ZNF804B: variants seen among roughly 807,000 people sequenced by gnomAD.
The protein encoded by ZNF804B is zinc finger protein 804B, also known as zinc finger 804B.
Under a neutral mutation model 101.4 loss-of-function variants are expected in ZNF804B, and 80 were observed. The observed-to-expected ratio is 0.79, with a 90% CI of 0.66 to 0.95. The LOEUF (loss-of-function observed/expected upper bound fraction) is 0.95, where lower values mean the gene tolerates loss of function less well. Among genes scored for constraint, ZNF804B ranks in the 40% least tolerant of loss-of-function variants. The probability of loss-of-function intolerance (pLI) is 0.00; values close to 1 mark genes in which losing one functional copy is unlikely to be tolerated. For synonymous variants in ZNF804B, 622 were observed against 558.8 expected, an observed-to-expected ratio of 1.11 and a Z score of -1.59; for missense variants, 1,673 against 1,561.9, an observed-to-expected ratio of 1.07 and a Z score of -1.20.
At chr7:88,946,930 G>T (rs562061123) in intron 1 of ZNF804B, among the ~76,000 whole-genome samples, 3 of 152,028 alleles carry the variant, frequency 2.0e-5, no homozygotes, top group Admixed American at 2.0e-4. Flanking sequence ...ATCATCACTT[G>T]TCATTAGAGA....
At chr7:88,872,094 C>G (rs115343104) in intron 1 of ZNF804B, among the ~76,000 whole-genome samples, 1 of 152,104 alleles carries the variant, frequency 6.6e-6, no homozygotes, top group Non-Finnish European at 1.5e-5. Flanking sequence ...TTTTAAAACT[C>G]AGACAAAAAT....
At chr7:88,811,700 T>C (rs568642013) in intron 1 of ZNF804B, among the ~76,000 whole-genome samples, 57 of 152,316 alleles carry the variant, frequency 3.7e-4, no homozygotes, top group African/African-American at 1.3e-3. Context: ...GAAGCCATTA[T>C]CCTCAGCAAA....
intron 1 of ZNF804B, among the ~76,000 whole-genome samples, chr7:88,817,710 T>C (rs1461022478): frequency 6.6e-6 from 1 of 152,202 alleles, no homozygotes; most frequent in East Asian, 1.9e-4. Context: ...ACCAATATTA[T>C]GGTACATTTT....
At chr7:89,162,136 G>A (rs1171490867) in intron 1 of ZNF804B, among the ~76,000 whole-genome samples, 1 of 151,950 alleles carries the variant, frequency 6.6e-6, no homozygotes, top group African/African-American at 2.4e-5. Flanking sequence ...AGGGGCGGGG[G>A]GAAGTCTTAT....
chr7:88,990,785 A>G (rs1201241847), intron 1 of ZNF804B, among the ~76,000 whole-genome samples: 9 of 151,936 alleles, frequency 5.9e-5, no homozygotes, highest in Non-Finnish European at 1.3e-4. Context: ...CTTTGTTTCT[A>G]CTCATCTTGA....
In ZNF804B at chr7:89,191,671, A is replaced by T. The variant is rs566058786; in HGVS notation, c.109-26484A>T. Among the ~76,000 whole-genome samples the T allele has an allele frequency of 2.6e-5, 4 of 152,260 alleles. No individual in the cohort carries two copies. The South Asian group carries it at 8.3e-4, about 32-fold the overall frequency. Reference sequence around the variant, plus strand: ...ATCTATATTTTAAAAAAGTATTTGAATGACATTCAGTGGTATTTGCATCAT... The same window carrying T: ...ATCTATATTTTAAAAAAGTATTTGATTGACATTCAGTGGTATTTGCATCAT... On this transcript the variant is annotated intron_variant, in intron 1 of 3. Transcript: ENST00000333190.
At chr7:89,202,400 G>A (rs1315029422) in intron 1 of ZNF804B, among the ~76,000 whole-genome samples, 1 of 152,018 alleles carries the variant, frequency 6.6e-6, no homozygotes, top group Non-Finnish European at 1.5e-5. Context: ...ATTTTTTAAA[G>A]CTTAGGGGGA....
At chr7:89,050,780 A>G (rs1789190091) in intron 1 of ZNF804B, among the ~76,000 whole-genome samples, 1 of 152,152 alleles carries the variant, frequency 6.6e-6, no homozygotes, top group Non-Finnish European at 1.5e-5. Context: ...GAAATGATAG[A>G]GATGAACAGA....
chr7:88,796,131 C>A (rs554665601), intron 1 of ZNF804B, among the ~76,000 whole-genome samples: 3 of 151,924 alleles, frequency 2.0e-5, no homozygotes, highest in African/African-American at 7.3e-5. Flanking sequence ...AAGAGATGCA[C>A]CTCTTAAAAT....
At chr7:88,955,190 C>A (rs1273174017) in intron 1 of ZNF804B, among the ~76,000 whole-genome samples, 2 of 151,058 alleles carry the variant, frequency 1.3e-5, no homozygotes, top group Non-Finnish European at 3.0e-5. Context: ...CTACCTGATG[C>A]AATATATTTT....
chr7:89,026,128 A>G (rs1226757003), intron 1 of ZNF804B, among the ~76,000 whole-genome samples: 5 of 152,140 alleles, frequency 3.3e-5, no homozygotes. Flanking sequence ...TGTGCTAAGC[A>G]TTGGTAATTT....
At position 88,977,289 on chromosome 7, in the gene ZNF804B, T is replaced by C. The variant is rs1159424598; in HGVS notation, c.108+217205T>C. Among the ~76,000 whole-genome samples, 3 of 62,094 alleles carry C rather than the reference T, an allele frequency of 4.8e-5. No individual in the cohort carries two copies. In the South Asian group the frequency reaches 1.6e-3, roughly 33 times the overall value. The allele number at this position is 62,094 out of a possible 152,430, so 40.7% of individuals were successfully genotyped here. A position where few individuals can be genotyped will look rare whatever the true frequency, so the allele number is the denominator to read the frequency against. ...TTTGGAAGTATTCCTTCATCCTCTA[T>C]TTTTTTTTTTGAATAGTTTGGGTAG... On this transcript the variant is annotated intron_variant, in intron 1 of 3. Transcript: ENST00000333190.
At chr7:88,971,556 T>C (rs1424760339) in intron 1 of ZNF804B, among the ~76,000 whole-genome samples, 2 of 151,622 alleles carry the variant, frequency 1.3e-5, no homozygotes, top group Non-Finnish European at 3.0e-5. Context: ...ATCTGCAGAA[T>C]AAAGCAGTAG....
intron 2 of ZNF804B, among the ~76,000 whole-genome samples, chr7:89,266,384 A>G (rs899684351): frequency 6.6e-6 from 1 of 152,196 alleles, no homozygotes; most frequent in African/African-American, 2.4e-5. Context: ...TATATTATAA[A>G]TAATATGGAC....
At chr7:89,137,592 A>G (rs1562894299) in intron 1 of ZNF804B, among the ~76,000 whole-genome samples, 1 of 152,138 alleles carries the variant, frequency 6.6e-6, no homozygotes, top group Non-Finnish European at 1.5e-5. Context: ...GCAGCAAAGC[A>G]TTTAAGAGGT....
intron 2 of ZNF804B, among the ~76,000 whole-genome samples, chr7:89,224,024 T>C (rs940257226): frequency 7.2e-5 from 11 of 151,940 alleles, no homozygotes; most frequent in Admixed American, 5.2e-4. Flanking sequence ...GAAGTCATAA[T>C]CCCTTTCTCA....
At chr7:88,888,003 C>T (rs1792158152) in intron 1 of ZNF804B, among the ~76,000 whole-genome samples, 1 of 152,056 alleles carries the variant, frequency 6.6e-6, no homozygotes, top group South Asian at 2.1e-4. Flanking sequence ...CACTTTTTTA[C>T]TGGCTCTATA....
intron 1 of ZNF804B, among the ~76,000 whole-genome samples, chr7:88,985,507 C>G (rs879396977): frequency 2.0e-5 from 3 of 152,016 alleles, no homozygotes; most frequent in Non-Finnish European, 4.4e-5. Flanking sequence ...ATGGGAGAGT[C>G]TCATGATTCC....
chr7:88,873,840 G>C (rs554680149), intron 1 of ZNF804B, among the ~76,000 whole-genome samples: 1 of 152,004 alleles, frequency 6.6e-6, no homozygotes, highest in Non-Finnish European at 1.5e-5. Flanking sequence ...TCTTTGTTTT[G>C]GTACCAGTAC....
Sources: allele counts gnomAD v4.1 joint callset (sites outside exome capture counted in the v4.1 genomes callset), GRCh38; gene constraint gnomAD v4.1.1; transcripts MANE v1.5; gene names NCBI Gene and HGNC (gene_info 2026-07-23, HGNC 2026-07-21).